DOCK1: variants seen among roughly 807,000 people sequenced by gnomAD.
The protein encoded by DOCK1 is dedicator of cytokinesis 1.
In DOCK1, 138 loss-of-function variants were observed where a neutral mutation model predicts 262.7. That is an observed-to-expected ratio of 0.53 (90% CI 0.46 to 0.61). The LOEUF (loss-of-function observed/expected upper bound fraction) is 0.61. DOCK1 is among the 20% of genes least tolerant of loss of function. DOCK1 has a pLI of 0.00. For missense variants in DOCK1, 1,908 were observed against 2,370.7 expected, an observed-to-expected ratio of 0.80 and a Z score of 4.05; for synonymous variants, 866 against 867.4, an observed-to-expected ratio of 1.00 and a Z score of 0.03.
chr10:127,196,473 C>T (rs1166210298), intron 27 of DOCK1, among the ~76,000 whole-genome samples: 1 of 148,290 alleles, frequency 6.7e-6, no homozygotes, highest in Non-Finnish European at 1.5e-5. Flanking sequence ...GGAGGGAAGT[C>T]CTTTCCGCTG....
chr10:127,100,280 G>A lies in DOCK1; in HGVS notation c.2446-5951G>A, dbSNP rs1312980731. On this transcript the variant is annotated intron_variant, in intron 23 of 51. Coordinates refer to ENST00000623213, the MANE Select transcript of DOCK1 (RefSeq NM_001290223.2). The surrounding 1 kb of genome is among the most constrained non-coding windows in gnomAD (Gnocchi z 5.5). Reference sequence around the variant, plus strand: ...GCAGTAGCCGTGCGGCCCAGGTGCTGTTTGTTCCGGGGGGAGTTAACAGCC... The same window carrying A: ...GCAGTAGCCGTGCGGCCCAGGTGCTATTTGTTCCGGGGGGAGTTAACAGCC... Among the ~76,000 whole-genome samples the A allele has an allele frequency of 6.6e-6, 1 of 152,160 alleles. No homozygotes were observed. Among genetic ancestry groups the A allele is most frequent in the African/African-American group, 2.4e-5 (1 of 41,456 alleles).
chr10:127,336,243 A>G (rs530978218), intron 29 of DOCK1, among the ~76,000 whole-genome samples: 1 of 152,104 alleles, frequency 6.6e-6, no homozygotes, highest in East Asian at 1.9e-4. Flanking sequence ...GGGCTGTAGG[A>G]TATCATTTAT....
chr10:127,427,980 G>A (rs72843710), intron 47 of DOCK1, among the ~76,000 whole-genome samples: 11,292 of 152,328 alleles, frequency 0.074, 533 homozygotes, highest in Non-Finnish European at 0.1. Context: ...TGCTGCAGGT[G>A]AACAGGCCTG....
At chr10:127,187,517 A>C (rs569276508) in intron 27 of DOCK1, among the ~76,000 whole-genome samples, 1 of 152,300 alleles carries the variant, frequency 6.6e-6, no homozygotes, top group East Asian at 1.9e-4. Flanking sequence ...GAGTCTTTTA[A>C]AAGTTGTTTT....
chr10:126,999,303 G>A (rs1486104649), intron 8 of DOCK1, 51 bp from the exon 9 acceptor site: 27 of 1,431,808 alleles, frequency 1.9e-5, no homozygotes, highest in Non-Finnish European at 2.3e-5. Flanking sequence ...TGTACATTTG[G>A]TACCCTGTTA....
At chr10:127,202,121 G>A (rs1387384900) in intron 27 of DOCK1, among the ~76,000 whole-genome samples, 4 of 152,122 alleles carry the variant, frequency 2.6e-5, no homozygotes, top group African/African-American at 4.8e-5. Context: ...TCAGGAGTTC[G>A]AGACCAGCCT....
chr10:127,095,108 T>C (rs2047829025), intron 23 of DOCK1, among the ~76,000 whole-genome samples: 1 of 152,220 alleles, frequency 6.6e-6, no homozygotes, highest in Non-Finnish European at 1.5e-5. Flanking sequence ...ACTTAATTCC[T>C]GGCAAGTGGA....
intron 18 of DOCK1, among the ~76,000 whole-genome samples, chr10:127,036,333 C>G (rs144966093): frequency 6.6e-6 from 1 of 152,144 alleles, no homozygotes; most frequent in South Asian, 2.1e-4. Flanking sequence ...TAACTCTTCC[C>G]TTTGTCAGCT....
chr10:127,424,849 G>A (rs1261908029), intron 46 of DOCK1, among the ~76,000 whole-genome samples: 2 of 152,162 alleles, frequency 1.3e-5, no homozygotes, highest in Non-Finnish European at 2.9e-5. Flanking sequence ...TTGTGTCGGT[G>A]CAGCCTCCAA....
chr10:127,299,772 C>A (rs1208899680), intron 29 of DOCK1, among the ~76,000 whole-genome samples: 4 of 152,188 alleles, frequency 2.6e-5, no homozygotes, highest in Non-Finnish European at 1.5e-5. Flanking sequence ...GACCTACGTA[C>A]TTTGGAGCTA....
intron 23 of DOCK1, among the ~76,000 whole-genome samples, chr10:127,093,630 A>G (rs184132171): frequency 2.0e-5 from 3 of 151,104 alleles, no homozygotes; most frequent in East Asian, 3.9e-4. Context: ...CTGGGATTAC[A>G]GGTGTGAGCC....
At chr10:127,405,143 G>A (rs547642330) in intron 40 of DOCK1, among the ~76,000 whole-genome samples, 1 of 152,310 alleles carries the variant, frequency 6.6e-6, no homozygotes, top group East Asian at 1.9e-4. Context: ...CTATGAAGAT[G>A]TATGTTTTTA....
intron 27 of DOCK1, among the ~76,000 whole-genome samples, chr10:127,231,136 C>G (rs1199983035): frequency 1.3e-5 from 2 of 151,972 alleles, no homozygotes; most frequent in African/African-American, 4.8e-5. Flanking sequence ...TGTTTTAAGA[C>G]TCATCTGGTA....
rs930208822 is a variant in DOCK1 at position 126,939,110 on chromosome 10, A to G, written c.47-31592A>G. On this transcript the variant is annotated intron_variant, in intron 1 of 51. Transcript: ENST00000623213. ...GAGCACCGGAGGGGATGAACACAGG[A>G]GGGGATGAACACCGGAAGGGATGAA... 2.0e-4 allele frequency among the ~76,000 whole-genome samples: 31 copies of G among 151,722 alleles called. No individual in the cohort carries two copies. In the South Asian group the frequency reaches 5.2e-3, roughly 26 times the overall value.
intron 23 of DOCK1, among the ~76,000 whole-genome samples, chr10:127,102,414 C>T (rs549836676): frequency 2.0e-5 from 3 of 152,232 alleles, no homozygotes; most frequent in South Asian, 4.1e-4. Flanking sequence ...AACATGAACT[C>T]ACTTGAAATG....
intron 23 of DOCK1, among the ~76,000 whole-genome samples, chr10:127,070,606 C>T (rs973523940): frequency 4.6e-5 from 7 of 151,724 alleles, no homozygotes; most frequent in African/African-American, 9.7e-5. Context: ...TCATCGTGGA[C>T]GTCAGTGTAG....
At chr10:127,334,003 G>A (rs1169962086) in intron 29 of DOCK1, among the ~76,000 whole-genome samples, 4 of 152,172 alleles carry the variant, frequency 2.6e-5, no homozygotes, top group Non-Finnish European at 5.9e-5. Flanking sequence ...TGAGGGTCTC[G>A]AAAACTTGAG....
At chr10:127,349,483 C>T (rs2063786355) in intron 31 of DOCK1, among the ~76,000 whole-genome samples, 1 of 152,064 alleles carries the variant, frequency 6.6e-6, no homozygotes, top group Non-Finnish European at 1.5e-5. Flanking sequence ...GTTCCGCACA[C>T]CTTGGTCTTA....
chr10:127,240,259 A>G lies in DOCK1; in HGVS notation c.2848-7749A>G, dbSNP rs867795700. 2.9e-5 allele frequency among the ~76,000 whole-genome samples: 3 copies of G among 104,634 alleles called. No individual in the cohort carries two copies. In the South Asian group the frequency reaches 1.2e-3, roughly 42 times the overall value. 68.6% of individuals were successfully genotyped at this position (104,634 alleles called of 152,430 possible). On this transcript the variant is annotated intron_variant, in intron 27 of 51. Transcript: ENST00000623213. ...ATTAGTGTAAGTTATTTTCTGTTTT[A>G]TATAGTTTTGGCTTTTTTTTTTTTT...
Sources: gnomAD v4.1 joint callset for allele counts (sites outside exome capture counted in the v4.1 genomes callset) on GRCh38, gnomAD v4.1.1 for gene constraint, Gnocchi (gnomAD v3.1) non-coding constraint, MANE v1.5 for transcripts, NCBI Gene and HGNC (gene_info 2026-07-23, HGNC 2026-07-21) for gene names.